The following FAM120A variants were observed in gnomAD, a reference collection of about 807,000 sequenced individuals.
FAM120A encodes the protein constitutive coactivator of PPAR-gamma-like protein 1.
A neutral mutation model predicts 109.7 loss-of-function variants in FAM120A; 15 were observed. The observed-to-expected ratio is 0.14, with a 90% CI of 0.09 to 0.21. The LOEUF is 0.21. Among genes scored for constraint, FAM120A ranks in the 10% least tolerant of loss-of-function variants. FAM120A has a pLI of 1.00. For missense variants in FAM120A, 899 were observed against 1,439.3 expected (o/e 0.62, Z 6.07); for synonymous variants, 493 against 572.8 (o/e 0.86, Z 1.99).
chr9:93,453,555 C>A (rs538575053), intron 1 of FAM120A: 3 of 985,258 alleles, frequency 3.0e-6, no homozygotes, highest in Admixed American at 6.2e-5. Flanking sequence ...CCCCACTGCC[C>A]GCGAGGAGAT....
At chr9:93,512,691 C>T (rs908212304) in intron 5 of FAM120A, among the ~76,000 whole-genome samples, 3 of 152,180 alleles carry the variant, frequency 2.0e-5, no homozygotes, top group Non-Finnish European at 4.4e-5. Context: ...CTCAGCTGCA[C>T]TTGGGCATGG....
intron 2 of FAM120A, among the ~76,000 whole-genome samples, chr9:93,472,260 CAA>C (rs918783347): frequency 1.5e-5 from 2 of 135,890 alleles, no homozygotes; most frequent in African/African-American, 2.7e-5. Flanking sequence ...ACTTTGTCTC[CAA>C]AAAAAAAAAA....
chr9:93,532,190 A>C lies in FAM120A; in HGVS notation c.1770A>C (p.Glu590Asp). 1 of 1,614,174 alleles carries C rather than the reference A, an allele frequency of 6.2e-7. No homozygotes were observed. The highest frequency in any genetic ancestry group is 8.5e-7 in the Non-Finnish European group (1 of 1,179,994). The change falls in exon 10 of 18, where the codon GAA (glutamate) becomes GAC (aspartate). Residue 590 changes from glutamate (E) to aspartate (D), a missense_variant. Glu to Asp is a conservative substitution (Grantham distance 45). Transcript: ENST00000277165. This position sits in a 1 kb window ranked among gnomAD's most constrained non-coding sequence, Gnocchi z 4.3. ...AAATTGCTGTTTCTATTGAAGATGAAGCCAACAAGGACCTGCCTCCGGCCG... is the reference window on the plus strand; with the variant it reads ...AAATTGCTGTTTCTATTGAAGATGACGCCAACAAGGACCTGCCTCCGGCCG... The part of the protein sequence containing the change: ...EIKIAVSIED[E>D]ANKDLPPAAL...
intron 5 of FAM120A, among the ~76,000 whole-genome samples, chr9:93,502,959 T>C (rs1859871022): frequency 6.6e-6 from 1 of 152,250 alleles, no homozygotes; most frequent in South Asian, 2.1e-4. Flanking sequence ...GGATGTGGAA[T>C]CTATGGGCAC....
At chr9:93,455,251 A>T (rs1857502198) in intron 1 of FAM120A, among the ~76,000 whole-genome samples, 1 of 152,230 alleles carries the variant, frequency 6.6e-6, no homozygotes. Flanking sequence ...TATTTAATTA[A>T]GGTTTTATAC....
At chr9:93,540,951 G>C (rs756681313) in intron 10 of FAM120A, among the ~76,000 whole-genome samples, 49 of 152,114 alleles carry the variant, frequency 3.2e-4, no homozygotes, top group Admixed American at 9.8e-4. Context: ...AAATGAAAAA[G>C]TTAAAGGCCA....
intron 2 of FAM120A, 48 bp from the exon 3 acceptor site, chr9:93,476,208 A>G (rs375594225): frequency 3.1e-5 from 41 of 1,308,098 alleles, no homozygotes; most frequent in East Asian, 1.4e-4. Flanking sequence ...AAGTTTCCCT[A>G]TGTTACTTAA....
At position 93,532,437 on chromosome 9, in the gene FAM120A, T is replaced by C. The variant is rs1214901747; in HGVS notation, c.1909+108T>C. 1.6e-6 allele frequency: 2 copies of C among 1,285,670 alleles called. No individual in the cohort carries two copies. Among genetic ancestry groups the C allele is most frequent in the Non-Finnish European group, 2.2e-6 (2 of 892,778 alleles). 79.6% of individuals were successfully genotyped at this position (1,285,670 alleles called of 1,614,324 possible). On this transcript the variant is annotated intron_variant, in intron 10 of 17. Transcript: ENST00000277165. The surrounding 1 kb of genome is among the most constrained non-coding windows in gnomAD (Gnocchi z 4.3). ...TGACTGAGTTGACCCCGAGTGCCTC[T>C]GTGTAAAGGAGGTGGGCCCATCATC...
At chr9:93,461,297 C>T (rs1348772685) in intron 1 of FAM120A, among the ~76,000 whole-genome samples, 1 of 152,186 alleles carries the variant, frequency 6.6e-6, no homozygotes, top group Non-Finnish European at 1.5e-5. Flanking sequence ...GTACATCATT[C>T]ATCCTCTGAG....
In FAM120A at chr9:93,564,370, C is replaced by T; in HGVS notation, c.3187C>T (p.Gln1063Ter). ...GATGGCCGAGGAGAAGCCGGCTCCC[C>T]AGATGAACGGGAGCACGGGTGACGC... is the stretch of plus-strand genomic sequence containing the variant. The part of the protein sequence containing the change: ...GVMAEEKPAP[Q>*]MNGSTGDARA... The change falls in exon 18 of 18, where the codon CAG (glutamine) becomes TAG (stop). Residue 1063 changes from glutamine to a stop codon, truncating the protein, a stop_gained. Coordinates refer to ENST00000277165, the MANE Select transcript of FAM120A (RefSeq NM_014612.5). LOFTEE classifies it high-confidence loss of function. 1 of 1,613,660 alleles carries T rather than the reference C, an allele frequency of 6.2e-7. No individual in the cohort carries two copies. The highest frequency in any genetic ancestry group is 8.5e-7 in the Non-Finnish European group (1 of 1,180,024).
intron 2 of FAM120A, among the ~76,000 whole-genome samples, chr9:93,471,804 C>T (rs1301602219): frequency 6.6e-6 from 1 of 152,114 alleles, no homozygotes; most frequent in Non-Finnish European, 1.5e-5. Flanking sequence ...TCGGGATACT[C>T]ACTACTTTAA....
intron 9 of FAM120A, 46 bp downstream of exon 9, chr9:93,529,626 G>C (rs891874889): frequency 1.3e-6 from 2 of 1,540,080 alleles, no homozygotes; most frequent in African/African-American, 2.7e-5. Flanking sequence ...TTTGATGAGT[G>C]GCCATTCCTA....
At chr9:93,545,578 C>T (rs1449740120) in intron 11 of FAM120A, among the ~76,000 whole-genome samples, 5 of 152,194 alleles carry the variant, frequency 3.3e-5, no homozygotes, top group African/African-American at 1.2e-4. Context: ...ACCATCCCTC[C>T]CACTGGGTCC....
chr9:93,475,604 C>A (rs112883367), intron 2 of FAM120A, among the ~76,000 whole-genome samples: 1 of 152,160 alleles, frequency 6.6e-6, no homozygotes, highest in Non-Finnish European at 1.5e-5. Context: ...TAGAGTATTA[C>A]CCCCAAATAT....
At chr9:93,527,052 G>A in intron 7 of FAM120A, 103 bp from the exon 8 acceptor site, 1 of 811,426 alleles carries the variant, frequency 1.2e-6, no homozygotes, top group Non-Finnish European at 2.1e-6. Flanking sequence ...TATTTTAAAA[G>A]TATTGTTATT....
intron 8 of FAM120A, among the ~76,000 whole-genome samples, chr9:93,528,154 C>A (rs117072441): frequency 0.017 from 2,574 of 152,242 alleles, 31 homozygotes; most frequent in South Asian, 0.024. Context: ...TTTGTGGATA[C>A]ATATTATTTT....
chr9:93,538,263 T>G (rs984615630), intron 10 of FAM120A, among the ~76,000 whole-genome samples: 2 of 152,132 alleles, frequency 1.3e-5, no homozygotes, highest in African/African-American at 4.8e-5. Flanking sequence ...ATCCACAGCC[T>G]TTTACCTTTG....
In FAM120A at chr9:93,525,072, T is replaced by A. The variant is rs79493524; in HGVS notation, c.1419-2083T>A. ...TTTTTTAATTGTAAAGTAATATATTTGTCCTATTGAAATATATTGGCCTTC... is the reference window on the plus strand; with the variant it reads ...TTTTTTAATTGTAAAGTAATATATTAGTCCTATTGAAATATATTGGCCTTC... On this transcript the variant is annotated intron_variant, in intron 7 of 17. Coordinates refer to ENST00000277165, the MANE Select transcript of FAM120A (RefSeq NM_014612.5). 6.6e-3 allele frequency among the ~76,000 whole-genome samples: 1,001 copies of A among 152,336 alleles called. 14 individuals are homozygous for A. The highest frequency in any genetic ancestry group is 0.023 in the African/African-American group (967 of 41,562).
Position 93,451,826 on chromosome 9 carries a change from C to CGCCCGCCA in FAM120A, c.-82_-75dup. ...AGTCCCCCCTAGAGGCCGCCGCCCC[C>CGCCCGCCA]GCCCGCCAGCCCGCCCGCGCGCCAC... On this transcript the variant is annotated 5_prime_UTR_variant, in exon 1 of 18. Transcript: ENST00000277165. 2 of 968,136 alleles carry CGCCCGCCA rather than the reference C, an allele frequency of 2.1e-6. No individual in the cohort carries two copies. The highest frequency in any genetic ancestry group is 2.4e-6 in the Non-Finnish European group (2 of 817,710). The allele number at this position is 968,136 out of a possible 1,614,324, so 60.0% of individuals were successfully genotyped here.
Sources: allele counts gnomAD v4.1 joint callset (sites outside exome capture counted in the v4.1 genomes callset), GRCh38; gene constraint gnomAD v4.1.1; non-coding constraint Gnocchi (gnomAD v3.1); transcripts MANE v1.5; gene names NCBI Gene and HGNC (gene_info 2026-07-23, HGNC 2026-07-21).